Variants in SHB observed in about 807,000 individuals in gnomAD.
The protein encoded by SHB is SH2 domain-containing adapter protein B.
In SHB, 20 loss-of-function variants were observed where a neutral mutation model predicts 52.3. The observed-to-expected ratio is 0.38, with a 90% CI of 0.27 to 0.56. The LOEUF (loss-of-function observed/expected upper bound fraction) is 0.56. SHB is among the 20% of genes least tolerant of loss of function. The probability of loss-of-function intolerance (pLI) is 0.71; values close to 1 mark genes in which losing one functional copy is unlikely to be tolerated. For missense variants in SHB, 825 were observed against 723.3 expected, an observed-to-expected ratio of 1.14 and a Z score of -1.61; for synonymous variants, 397 against 316.5, an observed-to-expected ratio of 1.25 and a Z score of -2.70.
rs1276043277 is a variant in SHB, at chr9:38,067,969, G to A, written c.677C>T (p.Ala226Val). Residue 226 changes from alanine to valine, a missense_variant, in exon 1 of 6, where the codon GCC (alanine) becomes GTC (valine). Physicochemically the swap from Ala to Val is moderately conservative, Grantham distance 64. Coordinates refer to ENST00000377707, the MANE Select transcript of SHB (RefSeq NM_003028.3). ...GGCCCCGCTCTCCTCCGCGGCTGAG[G>A]CGGCGCACTTGTTGAGCAGTTTCTT... ...GGKKLLNKCAASAAEESGAGK... is the reference protein window; with the variant it reads ...GGKKLLNKCAVSAAEESGAGK... 1.3e-6 allele frequency: 2 copies of A among 1,553,266 alleles called. No homozygotes were observed. Among genetic ancestry groups the A allele is most frequent in the East Asian group, 2.5e-5 (1 of 40,588 alleles).
At chr9:37,991,277 T>C (rs1820878547) in intron 2 of SHB, among the ~76,000 whole-genome samples, 2 of 152,136 alleles carry the variant, frequency 1.3e-5, no homozygotes, top group East Asian at 1.9e-4. Context: ...AGGGCTAGAA[T>C]TTCCCACCTC....
chr9:38,007,064 A>T (rs924611000), intron 2 of SHB, among the ~76,000 whole-genome samples: 52 of 152,198 alleles, frequency 3.4e-4, no homozygotes, highest in African/African-American at 1.2e-3. Flanking sequence ...TGTTAACTCC[A>T]TGAGAACAAC....
At chr9:37,978,264 C>T (rs1166425252) in intron 2 of SHB, among the ~76,000 whole-genome samples, 1 of 152,204 alleles carries the variant, frequency 6.6e-6, no homozygotes, top group East Asian at 1.9e-4. Flanking sequence ...ACCTCTCATG[C>T]AGGATTTATT....
rs75611359 is a variant in SHB, at chr9:37,928,183, C to T, written c.1347-8179G>A. 3.9e-4 allele frequency among the ~76,000 whole-genome samples: 59 copies of T among 152,300 alleles called. No homozygotes were observed. In the East Asian group the frequency reaches 9.3e-3, roughly 24 times the overall value. Reference sequence around the variant, plus strand: ...CAGTGCTGAGTTCTCAAGTCAGTGACGGACATGCCAGTGTGGGTGGGAGCA... The same window carrying T: ...CAGTGCTGAGTTCTCAAGTCAGTGATGGACATGCCAGTGTGGGTGGGAGCA... On this transcript the variant is annotated intron_variant, in intron 5 of 5. Coordinates refer to ENST00000377707, the MANE Select transcript of SHB (RefSeq NM_003028.3).
intron 2 of SHB, among the ~76,000 whole-genome samples, chr9:37,979,440 T>C (rs1820694760): frequency 6.6e-6 from 1 of 151,900 alleles, no homozygotes; most frequent in Non-Finnish European, 1.5e-5. Flanking sequence ...GCTAGGCAGG[T>C]GTGCTCCCCA....
intron 3 of SHB, among the ~76,000 whole-genome samples, chr9:37,963,015 C>A (rs1486333081): frequency 6.6e-6 from 1 of 152,206 alleles, no homozygotes; most frequent in African/African-American, 2.4e-5. Flanking sequence ...TGGGTCCCAG[C>A]GCTAGCCCTT....
chr9:37,938,592 C>T (rs746034652), intron 5 of SHB, among the ~76,000 whole-genome samples: 1 of 152,244 alleles, frequency 6.6e-6, no homozygotes, highest in Admixed American at 6.5e-5. Flanking sequence ...AGTTGGAATG[C>T]TTCCCTGGTG....
intron 1 of SHB, among the ~76,000 whole-genome samples, chr9:38,037,293 A>G (rs1821501256): frequency 6.6e-6 from 1 of 152,098 alleles, no homozygotes; most frequent in Non-Finnish European, 1.5e-5. Flanking sequence ...GAAACTTCCT[A>G]TCTTACCTCC....
chr9:38,024,188 G>A (rs946444240), intron 1 of SHB, among the ~76,000 whole-genome samples: 1 of 152,240 alleles, frequency 6.6e-6, no homozygotes, highest in Non-Finnish European at 1.5e-5. Flanking sequence ...CAGGGGCAGG[G>A]AGCTCATGAT....
intron 1 of SHB, among the ~76,000 whole-genome samples, chr9:38,045,575 C>T (rs1033246518): frequency 9.9e-5 from 15 of 152,174 alleles, no homozygotes; most frequent in African/African-American, 3.1e-4. Flanking sequence ...TGTGCCACTG[C>T]GCTTCAGCCT....
intron 1 of SHB, among the ~76,000 whole-genome samples, chr9:38,030,370 T>C (rs1326521957): frequency 1.3e-5 from 2 of 152,178 alleles, no homozygotes; most frequent in African/African-American, 2.4e-5. Context: ...CCTCCAGGTA[T>C]ATAAGAGGCC....
At chr9:37,990,734 C>G (rs372631813) in intron 2 of SHB, among the ~76,000 whole-genome samples, 14 of 152,108 alleles carry the variant, frequency 9.2e-5, no homozygotes, top group African/African-American at 3.1e-4. Context: ...GAAGGGAGCC[C>G]AGAATGAAGG....
At chr9:37,980,057 A>G (rs1392190811) in intron 2 of SHB, among the ~76,000 whole-genome samples, 3 of 152,180 alleles carry the variant, frequency 2.0e-5, no homozygotes, top group Non-Finnish European at 4.4e-5. Flanking sequence ...TCAGGGTGGT[A>G]GTTCCTGAAG....
At chr9:37,958,311 G>C (rs570360785) in intron 3 of SHB, among the ~76,000 whole-genome samples, 1 of 152,292 alleles carries the variant, frequency 6.6e-6, no homozygotes, top group South Asian at 2.1e-4. Flanking sequence ...CATGAGAGGA[G>C]GACTACGGGT....
chr9:37,992,867 G>A (rs1820899997), intron 2 of SHB, among the ~76,000 whole-genome samples: 2 of 130,310 alleles, frequency 1.5e-5, no homozygotes, highest in Non-Finnish European at 3.5e-5. Flanking sequence ...GTATATGCAT[G>A]CACACACACA....
At chr9:37,925,680 G>T (rs1397575509) in intron 5 of SHB, among the ~76,000 whole-genome samples, 2 of 152,126 alleles carry the variant, frequency 1.3e-5, no homozygotes, top group Non-Finnish European at 2.9e-5. Context: ...TTCTTGTTGG[G>T]CTATTTTATT....
At chr9:37,964,381 C>T (rs771870259) in intron 3 of SHB, among the ~76,000 whole-genome samples, 2 of 152,156 alleles carry the variant, frequency 1.3e-5, no homozygotes, top group African/African-American at 2.4e-5. Flanking sequence ...AGGGGCATGC[C>T]TTTCTTCTCT....
At chr9:38,042,060 C>T (rs1319573330) in intron 1 of SHB, among the ~76,000 whole-genome samples, 3 of 150,320 alleles carry the variant, frequency 2.0e-5, no homozygotes, top group African/African-American at 7.3e-5. Context: ...GGGAAACGTG[C>T]CGACGTCTGG....
chr9:37,950,043 C>G (rs1382722606), intron 4 of SHB, among the ~76,000 whole-genome samples: 1 of 152,138 alleles, frequency 6.6e-6, no homozygotes, highest in Non-Finnish European at 1.5e-5. Flanking sequence ...CTCAAGCAAT[C>G]CCCCCAACCC....
Sources: allele counts gnomAD v4.1 joint callset (sites outside exome capture counted in the v4.1 genomes callset), GRCh38; gene constraint gnomAD v4.1.1; transcripts MANE v1.5; gene names NCBI Gene and HGNC (gene_info 2026-07-23, HGNC 2026-07-21).